COBLL1: variants seen among roughly 807,000 people sequenced by gnomAD.
COBLL1 encodes cordon-bleu protein-like 1.
COBLL1 carries 50 observed loss-of-function variants against 94.8 expected under a neutral mutation model. That is an observed-to-expected ratio of 0.53 (90% confidence interval 0.42 to 0.67). COBLL1 has a LOEUF of 0.67. Ranked by LOEUF, COBLL1 falls within the 30% of genes least tolerant of loss-of-function variation. The probability of loss-of-function intolerance (pLI) is 0.00; values close to 1 mark genes in which losing one functional copy is unlikely to be tolerated. For synonymous variants in COBLL1, 448 were observed against 473.8 expected (o/e 0.95, Z 0.71); for missense variants, 1,362 against 1,348.7 (o/e 1.01, Z -0.15).
Position 164,680,448 on chromosome 2 carries a change from T to C in COBLL1, c.*5498A>G, listed in dbSNP as rs1020705788. 1 of 152,136 alleles carries C rather than the reference T, an allele frequency of 6.6e-6. No homozygotes were observed. Among genetic ancestry groups the C allele is most frequent in the African/African-American group, 2.4e-5 (1 of 41,434 alleles). 9.4% of individuals were successfully genotyped at this position (152,136 alleles called of 1,614,324 possible). A position where few individuals can be genotyped will look rare whatever the true frequency, so the allele number is the denominator to read the frequency against. On this transcript the variant is annotated 3_prime_UTR_variant, in exon 14 of 14. Transcript: ENST00000652658. The stretch of plus-strand genomic sequence containing the variant: ...TCACTATGAACCCTTCAGTGAACTT[T>C]TCCCCATTCATAACATGGGGGCATC...
At chr2:164,758,268 G>A (rs1687505815) in intron 2 of COBLL1, among the ~76,000 whole-genome samples, 1 of 151,510 alleles carries the variant, frequency 6.6e-6, no homozygotes, top group Non-Finnish European at 1.5e-5. Context: ...TGTCCTAAAT[G>A]CACTCTAGGA....
In COBLL1 at chr2:164,699,453, C is replaced by G. The variant is rs1162572020; in HGVS notation, c.1507G>C (p.Val503Leu). ...VYDTSNGKKV[V>L]DSIRNLKSLG... ...GACTTCAAGTTTCTTATACTGTCAA[C>G]TACCTTCTTTCCATTGCTTGTATCA... Residue 503 changes from valine (V) to leucine (L), a missense_variant, in exon 11 of 14, where the codon GTT (valine) becomes CTT (leucine). Physicochemically the swap from Val to Leu is conservative, Grantham distance 32 (BLOSUM62 1). Transcript: ENST00000652658. 6.2e-7 allele frequency: 1 copy of G among 1,612,634 alleles called. No individual in the cohort carries two copies. The highest frequency in any genetic ancestry group is 1.1e-5 in the South Asian group (1 of 91,062).
chr2:164,754,851 C>T (rs913153364), intron 2 of COBLL1, among the ~76,000 whole-genome samples: 6 of 152,148 alleles, frequency 3.9e-5, no homozygotes, highest in Admixed American at 6.5e-5. Context: ...CTCTGTGTGA[C>T]AATGAAGTAG....
Position 164,722,491 on chromosome 2 carries a change from A to C in COBLL1, c.693T>G (p.Ile231Met), listed in dbSNP as rs1167956987. The C allele has an allele frequency of 6.6e-7, 1 of 1,523,884 alleles. No homozygotes were observed. The highest frequency in any genetic ancestry group is 2.3e-5 in the East Asian group (1 of 43,866). The allele number at this position is 1,523,884 out of a possible 1,614,324, so 94.4% of individuals were successfully genotyped here. A position where few individuals can be genotyped will look rare whatever the true frequency, so the allele number is the denominator to read the frequency against. Residue 231 changes from isoleucine (I) to methionine (M), a missense_variant, in exon 6 of 14, where the codon ATT becomes ATG. Physicochemically the swap from Ile to Met is conservative, Grantham distance 10. Coordinates refer to ENST00000652658, the MANE Select transcript of COBLL1 (RefSeq NM_001365672.2). ...ACCCTTTATTTTCTTTCTCCTTCAT[A>C]ATATCTAGGTTTTGTGATATTTGGC... ...ESCQISQNLD[I>M]MKEKENKGFF...
rs1465337924 is a variant in COBLL1 at position 164,805,319 on chromosome 2, C to G, written c.41+35837G>C. Among the ~76,000 whole-genome samples, 42 of 35,950 alleles carry G rather than the reference C, an allele frequency of 1.2e-3. 2 individuals carry two copies. Among genetic ancestry groups the G allele is most frequent in the African/African-American group, 3.2e-3 (29 of 9,152 alleles). The allele number at this position is 35,950 out of a possible 152,430, so 23.6% of individuals were successfully genotyped here. ...TCTCTCTCTCTCTCTCTCTCTCTCT[C>G]TCTCTCTCTCTCTCTCTCTATATAT... On this transcript the variant is annotated intron_variant, in intron 2 of 13. Coordinates refer to ENST00000652658, the MANE Select transcript of COBLL1 (RefSeq NM_001365672.2).
intron 2 of COBLL1, among the ~76,000 whole-genome samples, chr2:164,781,456 G>T (rs376638886): frequency 3.3e-5 from 5 of 152,176 alleles, no homozygotes; most frequent in African/African-American, 4.8e-5. Flanking sequence ...GGTCAAATCA[G>T]AAGCTTTCAT....
chr2:164,752,304 G>T (rs929735424), intron 2 of COBLL1, among the ~76,000 whole-genome samples: 2 of 152,130 alleles, frequency 1.3e-5, no homozygotes, highest in East Asian at 3.9e-4. Flanking sequence ...CTTGCCTAAG[G>T]TTCCTTAGCC....
intron 1 of COBLL1, among the ~76,000 whole-genome samples, chr2:164,668,108 C>T (rs1239723829): frequency 1.3e-5 from 2 of 152,140 alleles, no homozygotes; most frequent in East Asian, 3.9e-4. Context: ...GGACTACAGG[C>T]ATGCACCACC....
chr2:164,775,706 G>T (rs1688430668), intron 2 of COBLL1, among the ~76,000 whole-genome samples: 2 of 152,032 alleles, frequency 1.3e-5, no homozygotes, highest in South Asian at 4.1e-4. Flanking sequence ...TGCCAGCCTT[G>T]GCCTATCAAA....
At chr2:164,765,281 G>C (rs907327565) in intron 2 of COBLL1, among the ~76,000 whole-genome samples, 6 of 152,066 alleles carry the variant, frequency 3.9e-5, no homozygotes, top group Admixed American at 3.9e-4. Context: ...AAAAAATTAA[G>C]TAGATCAAAA....
chr2:164,659,853 T>C (rs1053372358), intron 2 of COBLL1, among the ~76,000 whole-genome samples: 2 of 152,144 alleles, frequency 1.3e-5, no homozygotes, highest in South Asian at 2.1e-4. Flanking sequence ...TGCAAGGGCA[T>C]GGTATCCCAC....
chr2:164,767,564 C>A (rs892074332), intron 2 of COBLL1, among the ~76,000 whole-genome samples: 14 of 152,226 alleles, frequency 9.2e-5, no homozygotes, highest in African/African-American at 3.4e-4. Flanking sequence ...TTCATCCTGT[C>A]CTTCTTGCAC....
chr2:164,840,865 T>G, intron 2 of COBLL1: 1 of 343,056 alleles, frequency 2.9e-6, no homozygotes, highest in Non-Finnish European at 5.2e-6. Context: ...AGGGTCCCTT[T>G]GTTACAATTT....
At chr2:164,707,216 C>T (rs1684648670) in intron 7 of COBLL1, among the ~76,000 whole-genome samples, 1 of 152,120 alleles carries the variant, frequency 6.6e-6, no homozygotes, top group African/African-American at 2.4e-5. Flanking sequence ...ACTTGGCTCA[C>T]TGCAGCCTCC....
At chr2:164,724,285 TG>T (rs1685610037) in intron 5 of COBLL1, 1 of 152,194 alleles carries the variant, frequency 6.6e-6, no homozygotes, top group South Asian at 2.1e-4. Flanking sequence ...TGTTTGCTGA[TG>T]GAAGTACACA....
intron 5 of COBLL1, among the ~76,000 whole-genome samples, chr2:164,726,662 T>A (rs573403482): frequency 6.6e-6 from 1 of 152,118 alleles, no homozygotes; most frequent in Non-Finnish European, 1.5e-5. Flanking sequence ...AATTTCAACA[T>A]AAGCATTTTC....
chr2:164,672,728 A>AAAAAAAAAAAAAAAT (rs67260713), intron 1 of COBLL1, among the ~76,000 whole-genome samples: 1 of 132,496 alleles, frequency 7.5e-6, no homozygotes. Context: ...AAAAAAAAAA[A>AAAAAAAAAAAAAAAT]ATGACTTTGT....
intron 2 of COBLL1, among the ~76,000 whole-genome samples, chr2:164,831,894 GA>G (rs1683095429): frequency 6.6e-6 from 1 of 152,184 alleles, no homozygotes; most frequent in East Asian, 1.9e-4. Flanking sequence ...AGGAGAAAAT[GA>G]ATTCAATGAC....
chr2:164,743,617 G>T (rs754831585), intron 3 of COBLL1, 70 bp downstream of exon 3: 4 of 1,190,080 alleles, frequency 3.4e-6, no homozygotes, highest in Non-Finnish European at 3.8e-6. Context: ...ACATCAAGAC[G>T]TATATCACAG....
Sources: allele counts gnomAD v4.1 joint callset (sites outside exome capture counted in the v4.1 genomes callset), GRCh38; gene constraint gnomAD v4.1.1; transcripts MANE v1.5; gene names NCBI Gene and HGNC (gene_info 2026-07-23, HGNC 2026-07-21).